Variants in FBXW7 observed in about 807,000 individuals in gnomAD.
FBXW7 encodes the protein F-box/WD repeat-containing protein 7.
A neutral mutation model predicts 86.3 loss-of-function variants in FBXW7; 11 were observed. The ratio of observed to expected loss-of-function variants is 0.13; its 90% CI spans 0.08 to 0.21. The LOEUF (loss-of-function observed/expected upper bound fraction) is 0.21, where lower values mean the gene tolerates loss of function less well. Among genes scored for constraint, FBXW7 ranks in the 10% least tolerant of loss-of-function variants. FBXW7 has a pLI of 1.00. For missense variants in FBXW7, 488 were observed against 847.4 expected (o/e 0.58, Z 5.27); for synonymous variants, 313 against 297.9 (o/e 1.05, Z -0.52).
At chr4:152,334,619 C>A (rs536898287) in intron 7 of FBXW7, among the ~76,000 whole-genome samples, 2 of 152,266 alleles carry the variant, frequency 1.3e-5, no homozygotes, top group African/African-American at 4.8e-5. Flanking sequence ...TAGGAAACAG[C>A]AAATCCAGAG....
chr4:152,410,666 G>C (rs1331928210), intron 4 of FBXW7, among the ~76,000 whole-genome samples: 1 of 152,096 alleles, frequency 6.6e-6, no homozygotes, highest in Non-Finnish European at 1.5e-5. Flanking sequence ...TATTGTTTAT[G>C]GCCTAAAATC....
intron 2 of FBXW7, among the ~76,000 whole-genome samples, chr4:152,509,845 T>A (rs1218593497): frequency 6.6e-6 from 1 of 152,200 alleles, no homozygotes. Context: ...ATGAAGAATG[T>A]GACAATAGGT....
In FBXW7 at chr4:152,535,817, A is replaced by G. The variant is rs1021429560; in HGVS notation, c.-903T>C. ...CCCCCCAAGCCGCCGGCTCCGGCTC[A>G]GGCTCGGGCTCCGGCTCTGGCTCCG... On this transcript the variant is annotated 5_prime_UTR_variant, in exon 1 of 14. Coordinates refer to ENST00000281708, the MANE Select transcript of FBXW7 (RefSeq NM_001349798.2). 4 of 390,008 alleles carry G rather than the reference A, an allele frequency of 1.0e-5. No individual in the cohort carries two copies. Among genetic ancestry groups the G allele is most frequent in the East Asian group, 7.3e-5 (2 of 27,436 alleles). The allele number at this position is 390,008 out of a possible 1,614,324, so 24.2% of individuals were successfully genotyped here.
intron 2 of FBXW7, among the ~76,000 whole-genome samples, chr4:152,491,819 ATTC>A (rs1745886473): frequency 6.6e-6 from 1 of 152,106 alleles, no homozygotes; most frequent in African/African-American, 2.4e-5. Context: ...ACGTTCTGCA[ATTC>A]TTCTTTCATC....
intron 2 of FBXW7, among the ~76,000 whole-genome samples, chr4:152,424,058 A>G (rs1216727514): frequency 6.6e-6 from 1 of 151,970 alleles, no homozygotes; most frequent in African/African-American, 2.4e-5. Context: ...TTTTGCAGAG[A>G]TGGGGGTCCC....
At chr4:152,350,659 A>G (rs1731722774) in intron 4 of FBXW7, among the ~76,000 whole-genome samples, 1 of 151,858 alleles carries the variant, frequency 6.6e-6, no homozygotes, top group Admixed American at 6.6e-5. Context: ...ATAAGGCATA[A>G]AGCAATTAAT....
At chr4:152,408,542 T>C (rs948623051) in intron 4 of FBXW7, among the ~76,000 whole-genome samples, 1 of 152,184 alleles carries the variant, frequency 6.6e-6, no homozygotes, top group African/African-American at 2.4e-5. Context: ...ACTTTAGCCT[T>C]GAGCTGTAAA....
chr4:152,348,491 C>A (rs533738632), intron 5 of FBXW7, among the ~76,000 whole-genome samples: 1 of 152,060 alleles, frequency 6.6e-6, no homozygotes, highest in East Asian at 1.9e-4. Context: ...GCTGTTTGGT[C>A]TAATTTTGCT....
chr4:152,535,340 T>C lies in FBXW7; in HGVS notation c.-426A>G. On this transcript the variant is annotated 5_prime_UTR_variant, in exon 1 of 14. Transcript: ENST00000281708. Reference sequence around the variant, plus strand: ...GGGGCTCTAGGAACTCCTCCCGGAGTCCAGCCAAGGAGCCGGGGGGCCGGC... The same window carrying C: ...GGGGCTCTAGGAACTCCTCCCGGAGCCCAGCCAAGGAGCCGGGGGGCCGGC... 2.8e-6 allele frequency: 1 copy of C among 351,882 alleles called. No individual in the cohort carries two copies. The highest frequency in any genetic ancestry group is 5.1e-6 in the Non-Finnish European group (1 of 197,092). The allele number at this position is 351,882 out of a possible 1,614,324, so 21.8% of individuals were successfully genotyped here. A position where few individuals can be genotyped will look rare whatever the true frequency, so the allele number is the denominator to read the frequency against.
chr4:152,432,677 C>A (rs145043704), intron 2 of FBXW7, among the ~76,000 whole-genome samples: 1 of 151,962 alleles, frequency 6.6e-6, no homozygotes, highest in African/African-American at 2.4e-5. Flanking sequence ...CCGGGTATGG[C>A]GGCACAAGCC....
chr4:152,419,205 A>C (rs1227741640), intron 2 of FBXW7, among the ~76,000 whole-genome samples: 1 of 152,166 alleles, frequency 6.6e-6, no homozygotes, highest in Admixed American at 6.5e-5. Context: ...TATAATCTTT[A>C]TTAAATTAAA....
intron 2 of FBXW7, among the ~76,000 whole-genome samples, chr4:152,525,753 T>G (rs1749451379): frequency 1.3e-5 from 2 of 152,320 alleles, no homozygotes; most frequent in Non-Finnish European, 2.9e-5. Flanking sequence ...ATTAGTGCTG[T>G]AAGGAACACG....
intron 4 of FBXW7, among the ~76,000 whole-genome samples, chr4:152,361,568 T>C (rs1578991929): frequency 6.6e-6 from 1 of 152,204 alleles, no homozygotes; most frequent in East Asian, 1.9e-4. Flanking sequence ...CTTTGCTATC[T>C]TCTCAACATT....
intron 2 of FBXW7, among the ~76,000 whole-genome samples, chr4:152,503,632 T>A (rs1259236983): frequency 6.9e-6 from 1 of 145,108 alleles, no homozygotes; most frequent in Non-Finnish European, 1.5e-5. Flanking sequence ...GAAAAAGTTG[T>A]CACTATGTAG....
Position 152,457,516 on chromosome 4 carries a change from C to T in FBXW7, c.-119-44987G>A, listed in dbSNP as rs554597364. 1.1e-3 allele frequency among the ~76,000 whole-genome samples: 172 copies of T among 151,904 alleles called. 1 individual carries two copies. Among genetic ancestry groups the T allele is most frequent in the African/African-American group, 4.0e-3 (165 of 41,426 alleles). On this transcript the variant is annotated intron_variant, in intron 2 of 13. Coordinates refer to ENST00000281708, the MANE Select transcript of FBXW7 (RefSeq NM_001349798.2). The stretch of plus-strand genomic sequence containing the variant: ...AAAATTAGCTGGGCGTGGTGGCAGG[C>T]GCCTGTAGTCCCAGCTACTTGGGAG...
chr4:152,358,238 C>T (rs1732585645), intron 4 of FBXW7, among the ~76,000 whole-genome samples: 1 of 151,996 alleles, frequency 6.6e-6, no homozygotes, highest in South Asian at 2.1e-4. Context: ...AAATATGACC[C>T]AGGAAAGAAT....
intron 10 of FBXW7, among the ~76,000 whole-genome samples, chr4:152,329,259 C>G (rs2126522024): frequency 6.6e-6 from 1 of 151,854 alleles, no homozygotes; most frequent in East Asian, 1.9e-4. Context: ...TTCTAAACTA[C>G]AGGTAGGTTA....
At chr4:152,409,581 G>A (rs552609376) in intron 4 of FBXW7, among the ~76,000 whole-genome samples, 53 of 152,182 alleles carry the variant, frequency 3.5e-4, no homozygotes, top group Non-Finnish European at 5.3e-4. Flanking sequence ...ATTTCAGACT[G>A]AAATCTTACT....
chr4:152,489,566 T>C (rs1170760561), intron 2 of FBXW7: 3 of 152,440 alleles, frequency 2.0e-5, no homozygotes, highest in Non-Finnish European at 4.4e-5. Context: ...GTTCTAATAT[T>C]AGTCAACTAT....
Sources: gnomAD v4.1 joint callset for allele counts (sites outside exome capture counted in the v4.1 genomes callset) on GRCh38, gnomAD v4.1.1 for gene constraint, MANE v1.5 for transcripts, NCBI Gene and HGNC (gene_info 2026-07-23, HGNC 2026-07-21) for gene names.